FAF1: variants seen among roughly 807,000 people sequenced by gnomAD.
FAF1 encodes FAS-associated factor 1.
In FAF1, 25 loss-of-function variants were observed where a neutral mutation model predicts 92.5. The observed-to-expected ratio is 0.27, with a 90% confidence interval of 0.20 to 0.38. The LOEUF is 0.38. Ranked by LOEUF, FAF1 falls within the 10% of genes least tolerant of loss-of-function variation. The pLI is 1.00. For missense variants in FAF1, 636 were observed against 793.3 expected (o/e 0.80, Z 2.38); for synonymous variants, 234 against 273.2 (o/e 0.86, Z 1.42).
At chr1:50,784,333 A>C (rs534922180) in intron 4 of FAF1, among the ~76,000 whole-genome samples, 2 of 152,266 alleles carry the variant, frequency 1.3e-5, no homozygotes, top group Admixed American at 1.3e-4. Context: ...AATAATACAA[A>C]ATTCATCAAT....
intron 13 of FAF1, among the ~76,000 whole-genome samples, chr1:50,551,204 G>A (rs1649295694): frequency 6.6e-6 from 1 of 152,104 alleles, no homozygotes. Context: ...GAGGCAAACT[G>A]TAAATGCTAA....
At chr1:50,578,955 A>C (rs1488357021) in intron 12 of FAF1, among the ~76,000 whole-genome samples, 2 of 152,154 alleles carry the variant, frequency 1.3e-5, no homozygotes, top group Admixed American at 1.3e-4. Context: ...GGAAAGAAGA[A>C]AGCCCTGGAC....
At chr1:50,871,046 A>T (rs1644523701) in intron 1 of FAF1, among the ~76,000 whole-genome samples, 1 of 152,236 alleles carries the variant, frequency 6.6e-6, no homozygotes, top group African/African-American at 2.4e-5. Flanking sequence ...CTTACTACTA[A>T]TATAGAGAAA....
chr1:50,825,841 A>G (rs1180115071), intron 2 of FAF1, among the ~76,000 whole-genome samples: 1 of 152,208 alleles, frequency 6.6e-6, no homozygotes, highest in Non-Finnish European at 1.5e-5. Flanking sequence ...AAGTGGAGTT[A>G]AGCTAGAAAA....
intron 2 of FAF1, among the ~76,000 whole-genome samples, chr1:50,822,774 CTTT>C (rs772097310): frequency 2.9e-4 from 36 of 125,186 alleles, no homozygotes; most frequent in Admixed American, 6.3e-4. Flanking sequence ...TTCTTTCTTT[CTTT>C]TTTTTTTTTT....
At chr1:50,586,064 A>T (rs1651218131) in intron 9 of FAF1, among the ~76,000 whole-genome samples, 1 of 151,978 alleles carries the variant, frequency 6.6e-6, no homozygotes, top group African/African-American at 2.4e-5. Flanking sequence ...AAAATAAAAG[A>T]CTCATAAAAA....
chr1:50,801,698 A>C (rs531629573), intron 2 of FAF1, 21 bp from the exon 3 acceptor site: 8 of 1,528,802 alleles, frequency 5.2e-6, no homozygotes, highest in South Asian at 4.5e-5. Context: ...GAAACAGAGA[A>C]GGCCATTTAA....
At chr1:50,748,148 T>A (rs1050979215) in intron 4 of FAF1, among the ~76,000 whole-genome samples, 2 of 152,166 alleles carry the variant, frequency 1.3e-5, no homozygotes, top group African/African-American at 4.8e-5. Flanking sequence ...AAACTTGAAG[T>A]ATAGTTGGTC....
chr1:50,954,760 C>G (rs1257220679), intron 1 of FAF1, among the ~76,000 whole-genome samples: 1 of 151,994 alleles, frequency 6.6e-6, no homozygotes, highest in African/African-American at 2.4e-5. Flanking sequence ...CCAGGCTGGT[C>G]TTGAACTCCT....
intron 1 of FAF1, among the ~76,000 whole-genome samples, chr1:50,940,676 A>C (rs1235633892): frequency 2.6e-5 from 4 of 152,262 alleles, no homozygotes; most frequent in Non-Finnish European, 5.9e-5. Flanking sequence ...ATTTATACTA[A>C]CATAATTATT....
chr1:50,778,916 TATG>T lies in FAF1; in HGVS notation c.367+9081_367+9083del, dbSNP rs1439319017. Among the ~76,000 whole-genome samples, 3 of 152,122 alleles carry T rather than the reference TATG, an allele frequency of 2.0e-5. No individual in the cohort carries two copies. In the East Asian group the frequency reaches 5.8e-4, roughly 29 times the overall value. On this transcript the variant is annotated intron_variant, in intron 4 of 18. Transcript: ENST00000396153. ...TTTCATGAAAAGTTTTGCTGTAACA[TATG>T]ATGCTGTTTGATAGTATTTTACCCA... is the stretch of plus-strand genomic sequence containing the variant.
intron 1 of FAF1, among the ~76,000 whole-genome samples, chr1:50,862,770 G>A (rs922228095): frequency 1.3e-5 from 2 of 151,602 alleles, no homozygotes; most frequent in African/African-American, 4.8e-5. Flanking sequence ...AAACTTTAAA[G>A]CAACAACAGT....
intron 15 of FAF1, among the ~76,000 whole-genome samples, chr1:50,525,746 G>T (rs1647757566): frequency 6.6e-6 from 1 of 152,014 alleles, no homozygotes; most frequent in African/African-American, 2.4e-5. Context: ...TTAATTGTGT[G>T]TTTTTATGAT....
intron 8 of FAF1, among the ~76,000 whole-genome samples, chr1:50,598,926 T>C (rs922006564): frequency 2.6e-5 from 4 of 151,856 alleles, no homozygotes; most frequent in Middle Eastern, 3.2e-3. Flanking sequence ...GCTGAGATTG[T>C]GCCATTGCAC....
At chr1:50,720,684 C>T (rs556073149) in intron 6 of FAF1, among the ~76,000 whole-genome samples, 1 of 152,120 alleles carries the variant, frequency 6.6e-6, no homozygotes, top group Non-Finnish European at 1.5e-5. Flanking sequence ...CCTGAACCCC[C>T]ACCCTAGGAA....
chr1:50,801,795 A>AT (rs934916789), intron 2 of FAF1, 118 bp from the exon 3 acceptor site: 24 of 612,800 alleles, frequency 3.9e-5, no homozygotes, highest in Non-Finnish European at 6.1e-5. Flanking sequence ...CATAATACTA[A>AT]TTTTTTTAGT....
intron 1 of FAF1, among the ~76,000 whole-genome samples, chr1:50,873,770 T>G (rs979537295): frequency 1.3e-5 from 2 of 152,222 alleles, no homozygotes; most frequent in Non-Finnish European, 2.9e-5. Context: ...AGGTTAGCCC[T>G]GCTCCGCAAG....
At chr1:50,865,905 A>G (rs1457027751) in intron 1 of FAF1, among the ~76,000 whole-genome samples, 1 of 151,996 alleles carries the variant, frequency 6.6e-6, no homozygotes, top group East Asian at 1.9e-4. Context: ...GATTAACCAA[A>G]AGAAAAGATC....
intron 8 of FAF1, among the ~76,000 whole-genome samples, chr1:50,635,447 A>T (rs1219604090): frequency 6.6e-6 from 1 of 152,118 alleles, no homozygotes; most frequent in Non-Finnish European, 1.5e-5. Flanking sequence ...GTTTCTTGAG[A>T]CCATGTCTCA....
Sources: gnomAD v4.1 joint callset for allele counts (sites outside exome capture counted in the v4.1 genomes callset) on GRCh38, gnomAD v4.1.1 for gene constraint, MANE v1.5 for transcripts, NCBI Gene and HGNC (gene_info 2026-07-23, HGNC 2026-07-21) for gene names.